Variants in MCF2 observed in about 807,000 individuals in gnomAD.
The protein encoded by MCF2 is MCF.2 cell line derived transforming sequence.
In MCF2, 44 loss-of-function variants were observed where a neutral mutation model predicts 82.5. The observed-to-expected ratio is 0.53, with a 90% CI of 0.42 to 0.69. The LOEUF (loss-of-function observed/expected upper bound fraction) is 0.69, where lower values mean the gene tolerates loss of function less well. MCF2 is among the 30% of genes least tolerant of loss of function. The pLI, the probability that MCF2 is intolerant of heterozygous loss-of-function variation, is 0.00. For synonymous variants in MCF2, 217 were observed against 224.9 expected, an observed-to-expected ratio of 0.96 and a Z score of 0.32; for missense variants, 623 against 663.1, an observed-to-expected ratio of 0.94 and a Z score of 0.66.
intron 1 of MCF2, among the ~76,000 whole-genome samples, chrX:139,639,474 C>G (rs1429893017): frequency 9.0e-6 from 1 of 110,819 alleles, no homozygotes; most frequent in Non-Finnish European, 1.9e-5. Flanking sequence ...GTGGTCCCAC[C>G]CCAGCCCTCA....
intron 1 of MCF2, among the ~76,000 whole-genome samples, chrX:139,680,897 A>T (rs1934982880): frequency 8.9e-6 from 1 of 112,608 alleles, no homozygotes; most frequent in Non-Finnish European, 1.9e-5. Flanking sequence ...AACACACAAT[A>T]TCTGTTCATG....
At chrX:139,582,938 TTC>T (rs1265335277) in intron 24 of MCF2, among the ~76,000 whole-genome samples, 10 of 111,982 alleles carry the variant, frequency 8.9e-5, no homozygotes, top group Non-Finnish European at 1.7e-4. Context: ...GAAATTAAAC[TTC>T]TTTTTATTAT....
At chrX:139,668,033 T>C (rs1285241700) in intron 1 of MCF2, among the ~76,000 whole-genome samples, 1 of 111,836 alleles carries the variant, frequency 8.9e-6, no homozygotes, top group African/African-American at 3.3e-5. Flanking sequence ...CATGACTCAG[T>C]TGCAGCCACA....
intron 19 of MCF2, among the ~76,000 whole-genome samples, chrX:139,596,008 A>T (rs73573963): frequency 0.016 from 1,818 of 111,556 alleles, 33 homozygotes; most frequent in African/African-American, 0.056. Flanking sequence ...AGGACAGATA[A>T]GGAAAGGATT....
chrX:139,647,319 G>A (rs1184011372), upstream of MCF2, among the ~76,000 whole-genome samples: 1 of 111,743 alleles, frequency 8.9e-6, no homozygotes, highest in Admixed American at 9.5e-5. Context: ...TAGTGTCATG[G>A]TGAGCAGGAA....
intron 1 of MCF2, among the ~76,000 whole-genome samples, chrX:139,655,072 G>C (rs1266833786): frequency 8.9e-6 from 1 of 111,823 alleles, no homozygotes; most frequent in Non-Finnish European, 1.9e-5. Flanking sequence ...AAGTTACCTA[G>C]TACAATGCCT....
intron 1 of MCF2, among the ~76,000 whole-genome samples, chrX:139,689,732 G>T (rs1166943498): frequency 9.1e-6 from 1 of 109,506 alleles, no homozygotes; most frequent in East Asian, 2.9e-4. Flanking sequence ...CTGGACATTT[G>T]TGTGCATCTC....
intron 1 of MCF2, among the ~76,000 whole-genome samples, chrX:139,680,325 G>C (rs1408049616): frequency 8.9e-6 from 1 of 111,796 alleles, no homozygotes; most frequent in African/African-American, 3.2e-5. Context: ...TTGTAGTCAT[G>C]AATATAACTG....
At chrX:139,605,850 T>C (rs1340598613) in intron 12 of MCF2, 71 bp from the exon 17 acceptor site, 1 of 837,353 alleles carries the variant, frequency 1.2e-6, no homozygotes, top group Non-Finnish European at 1.7e-6. Context: ...TCAAGTATTA[T>C]CATCATGAGA....
At chrX:139,608,409 A>C (rs1359004819) in intron 11 of MCF2, among the ~76,000 whole-genome samples, 2 of 111,156 alleles carry the variant, frequency 1.8e-5, no homozygotes, top group Non-Finnish European at 3.8e-5. Flanking sequence ...TTGCCTCCCT[A>C]ATTCTAATAA....
Position 139,613,991 on chromosome X carries a change from CCTT to C in MCF2, c.1363+887_1363+889del, listed in dbSNP as rs964603168. Among the ~76,000 whole-genome samples, 9 of 110,789 alleles carry C rather than the reference CCTT, an allele frequency of 8.1e-5. No homozygotes were observed. In the Admixed American group the frequency reaches 8.7e-4, roughly 11 times the overall value. ...TTATGCTCATTATCCTTGGCTCAAG[CCTT>C]CTCTGAATTCCAAAGCAGTTCTCCT... On this transcript the variant is annotated intron_variant, in intron 10 of 24. Coordinates refer to ENST00000370576, the Ensembl canonical transcript of MCF2.
Position 139,629,856 on chromosome X carries a change from C to T in MCF2, c.289-12G>A, listed in dbSNP as rs1451920453. 7 of 1,195,309 alleles carry T rather than the reference C, an allele frequency of 5.9e-6. No homozygotes were observed. The highest frequency in any genetic ancestry group is 2.2e-5 in the Admixed American group (1 of 44,934). ...AAATTTTCTATAGCCTGCAAAGAGC[C>T]GGTGATTACTTTAATTATATGGTCA... On this transcript the variant is annotated splice_polypyrimidine_tract_variant and intron_variant, in intron 3 of 24. Coordinates refer to ENST00000370576, the Ensembl canonical transcript of MCF2.
At chrX:139,685,347 G>A (rs7886884) in intron 1 of MCF2, among the ~76,000 whole-genome samples, 3,798 of 110,449 alleles carry the variant, frequency 0.034, 162 homozygotes, top group African/African-American at 0.12. Context: ...CAGACAGCCC[G>A]GCGCCACACC....
At chrX:139,671,179 A>G (rs1743616127) in intron 1 of MCF2, among the ~76,000 whole-genome samples, 1 of 111,498 alleles carries the variant, frequency 9.0e-6, no homozygotes, top group African/African-American at 3.3e-5. Flanking sequence ...TTCCTTGTAA[A>G]TTTGTTTAAG....
intron 19 of MCF2, among the ~76,000 whole-genome samples, chrX:139,592,603 C>T (rs1020053960): frequency 1.8e-5 from 2 of 111,496 alleles, no homozygotes; most frequent in African/African-American, 6.5e-5. Flanking sequence ...GATTTGAACC[C>T]TCTCTGACAT....
At chrX:139,681,297 A>T in intron 1 of MCF2, among the ~76,000 whole-genome samples, 1 of 111,985 alleles carries the variant, frequency 8.9e-6, no homozygotes, top group Admixed American at 9.5e-5. Context: ...CTCTTGGCTG[A>T]TAGCAGCGGC....
chrX:139,650,885 C>T (rs750254184), intron 2 of MCF2, among the ~76,000 whole-genome samples: 10 of 111,773 alleles, frequency 8.9e-5, no homozygotes, highest in South Asian at 3.7e-4. Context: ...GCTACAACAT[C>T]GATGAAACTT....
chrX:139,648,981 T>A (rs963529294), intron 2 of MCF2, among the ~76,000 whole-genome samples: 4 of 112,079 alleles, frequency 3.6e-5, no homozygotes, highest in African/African-American at 1.3e-4. Context: ...CTCTCAATAA[T>A]TGATAGAACA....
intron 4 of MCF2, 122 bp from the exon 8 acceptor site, chrX:139,626,878 C>T: frequency 1.8e-6 from 1 of 569,533 alleles, no homozygotes; most frequent in East Asian, 3.7e-5. Context: ...ATGGCCTTTG[C>T]TTTCATAGCT....
Sources: allele counts gnomAD v4.1 joint callset (sites outside exome capture counted in the v4.1 genomes callset), GRCh38; gene constraint gnomAD v4.1.1; transcripts MANE v1.5; gene names NCBI Gene and HGNC (gene_info 2026-07-23, HGNC 2026-07-21).